Variants in RSPH1 observed in about 807,000 individuals in gnomAD.
RSPH1 encodes the protein radial spoke head 1 homolog.
Under a neutral mutation model 44.2 loss-of-function variants are expected in RSPH1, and 32 were observed. The observed-to-expected ratio is 0.72, with a 90% CI of 0.55 to 0.97. RSPH1 has a LOEUF of 0.97. RSPH1 is among the 50% of genes least tolerant of loss of function. The pLI, the probability that RSPH1 is intolerant of heterozygous loss-of-function variation, is 0.00. For missense variants in RSPH1, 391 were observed against 398.7 expected (o/e 0.98, Z 0.16); for synonymous variants, 134 against 147.3 (o/e 0.91, Z 0.65).
At chr21:42,494,038 C>T (rs1376460384) in intron 1 of RSPH1, among the ~76,000 whole-genome samples, 1 of 152,220 alleles carries the variant, frequency 6.6e-6, no homozygotes. Flanking sequence ...AGCCACCATG[C>T]CTGCTCAATT....
In RSPH1 at chr21:42,495,990, C is replaced by T. The variant is rs1601640207; in HGVS notation, c.54+143G>A. 10 of 818,744 alleles carry T rather than the reference C, an allele frequency of 1.2e-5. 1 individual carries two copies. The South Asian group carries it at 1.5e-4, about 12-fold the overall frequency. 50.7% of individuals were successfully genotyped at this position (818,744 alleles called of 1,614,324 possible). A position where few individuals can be genotyped will look rare whatever the true frequency, so the allele number is the denominator to read the frequency against. ...CCAGGACGCACGCAGGTGTGTCTGGCGTGGCCTTCGTCCCTGCCGGGGATC... is the reference window on the plus strand; with the variant it reads ...CCAGGACGCACGCAGGTGTGTCTGGTGTGGCCTTCGTCCCTGCCGGGGATC... On this transcript the variant is annotated intron_variant, in intron 1 of 8. Coordinates refer to ENST00000291536, the MANE Select transcript of RSPH1 (RefSeq NM_080860.4).
At chr21:42,478,653 G>C (rs2054095728) in intron 6 of RSPH1, among the ~76,000 whole-genome samples, 2 of 152,204 alleles carry the variant, frequency 1.3e-5, no homozygotes, top group African/African-American at 4.8e-5. Context: ...TCTTCAAAAA[G>C]CGAAACAGCA....
At chr21:42,480,171 G>A (rs1410038064) in intron 6 of RSPH1, among the ~76,000 whole-genome samples, 1 of 152,212 alleles carries the variant, frequency 6.6e-6, no homozygotes, top group Non-Finnish European at 1.5e-5. Context: ...CAGGAAAAGA[G>A]GGTGGCTGAG....
chr21:42,480,379 C>T lies in RSPH1; in HGVS notation c.573+2258G>A, dbSNP rs557431266. Among the ~76,000 whole-genome samples, 17 of 152,218 alleles carry T rather than the reference C, an allele frequency of 1.1e-4. No individual in the cohort carries two copies. The South Asian group carries it at 3.3e-3, about 30-fold the overall frequency. ...CTGGAGGGCTGGGCGCAGTGGCTTACGCCTATAGTCCCACCACTTTGGGAG... is the reference window on the plus strand; with the variant it reads ...CTGGAGGGCTGGGCGCAGTGGCTTATGCCTATAGTCCCACCACTTTGGGAG... On this transcript the variant is annotated intron_variant, in intron 6 of 8. Coordinates refer to ENST00000291536, the MANE Select transcript of RSPH1 (RefSeq NM_080860.4).
chr21:42,475,567 CAAA>C (rs549479473), intron 8 of RSPH1, among the ~76,000 whole-genome samples: 3 of 112,134 alleles, frequency 2.7e-5, no homozygotes, highest in Admixed American at 9.6e-5. Flanking sequence ...GACTCCATCT[CAAA>C]AAAAAAAAAA....
At chr21:42,477,048 C>CTA (rs2054064628) in intron 7 of RSPH1, among the ~76,000 whole-genome samples, 1 of 119,708 alleles carries the variant, frequency 8.4e-6, no homozygotes, top group Admixed American at 8.5e-5. Context: ...CGGGGGTGCC[C>CTA]CACACCCTCT....
At chr21:42,478,362 G>A (rs970748042) in intron 6 of RSPH1, among the ~76,000 whole-genome samples, 3 of 152,218 alleles carry the variant, frequency 2.0e-5, no homozygotes, top group Non-Finnish European at 4.4e-5. Flanking sequence ...CATGAAGGGT[G>A]ACACCAATGC....
At chr21:42,481,393 T>A (rs1441947870) in intron 6 of RSPH1, among the ~76,000 whole-genome samples, 1 of 152,144 alleles carries the variant, frequency 6.6e-6, no homozygotes, top group Non-Finnish European at 1.5e-5. Flanking sequence ...CTCTTCTTTA[T>A]AATCTACCCA....
rs1362307113 is a variant in RSPH1 at position 42,476,981 on chromosome 21, CCCCACACCCTCTGTCCCACAGCCCG to C, written c.727+285_727+309del. Among the ~76,000 whole-genome samples the C allele has an allele frequency of 2.9e-3, 176 of 61,194 alleles. 2 individuals carry two copies. Among genetic ancestry groups the C allele is most frequent in the African/African-American group, 8.4e-3 (147 of 17,434 alleles). 40.1% of individuals were successfully genotyped at this position (61,194 alleles called of 152,430 possible). A position where few individuals can be genotyped will look rare whatever the true frequency, so the allele number is the denominator to read the frequency against. ...CCCTCCATCCCACAGCCTGGGGATG[CCCCACACCCTCTGTCCCACAGCCCG>C]GGGGATGCCCCACACCCTCTGTCCC... On this transcript the variant is annotated intron_variant, in intron 7 of 8. Coordinates refer to ENST00000291536, the MANE Select transcript of RSPH1 (RefSeq NM_080860.4).
At chr21:42,473,289 G>A (rs562700839) in intron 8 of RSPH1, among the ~76,000 whole-genome samples, 19 of 152,236 alleles carry the variant, frequency 1.2e-4, no homozygotes, top group Non-Finnish European at 2.5e-4. Context: ...TCAGGAGTTC[G>A]AGACCAGCCC....
chr21:42,493,935 A>G (rs2054261591), intron 1 of RSPH1, among the ~76,000 whole-genome samples: 1 of 152,174 alleles, frequency 6.6e-6, no homozygotes, highest in African/African-American at 2.4e-5. Flanking sequence ...ATTTTTTTGT[A>G]GAGACAAGGT....
chr21:42,484,154 A>T (rs1252314748), intron 5 of RSPH1, among the ~76,000 whole-genome samples: 1 of 152,248 alleles, frequency 6.6e-6, no homozygotes, highest in East Asian at 1.9e-4. Context: ...GTAATCAGGG[A>T]AGTACACATT....
chr21:42,480,191 G>A (rs962625110), intron 6 of RSPH1, among the ~76,000 whole-genome samples: 75 of 152,306 alleles, frequency 4.9e-4, no homozygotes, highest in Non-Finnish European at 9.9e-4. Context: ...GGTCAGGGCC[G>A]AGAGCCCCGG....
At chr21:42,492,735 T>G in intron 3 of RSPH1, 23 bp downstream of exon 3, 1 of 1,393,454 alleles carries the variant, frequency 7.2e-7, no homozygotes, top group Non-Finnish European at 1.0e-6. Flanking sequence ...AACACGAAAA[T>G]CTGCTTAGTG....
chr21:42,482,983 G>C (rs2054144180), intron 5 of RSPH1, among the ~76,000 whole-genome samples: 1 of 152,158 alleles, frequency 6.6e-6, no homozygotes, highest in South Asian at 2.1e-4. Flanking sequence ...AGGCAAACTA[G>C]CTACCGATGG....
At position 42,474,922 on chromosome 21, in the gene RSPH1, C is replaced by T. The variant is rs1344592295; in HGVS notation, c.877+976G>A. Among the ~76,000 whole-genome samples, 1 of 152,224 alleles carries T rather than the reference C, an allele frequency of 6.6e-6. No homozygotes were observed. The highest frequency in any genetic ancestry group is 2.4e-5 in the African/African-American group (1 of 41,444). ...TTTTCAAAGGAATGGGAAGTATATT[C>T]TTAATTTACAACAGAGACAAACTAA... On this transcript the variant is annotated intron_variant, in intron 8 of 8. Coordinates refer to ENST00000291536, the MANE Select transcript of RSPH1 (RefSeq NM_080860.4). This position sits in a 1 kb window ranked among gnomAD's most constrained non-coding sequence, Gnocchi z 5.2.
chr21:42,492,988 T>C lies in RSPH1; in HGVS notation c.146A>G (p.Glu49Gly). 1 of 1,614,206 alleles carries C rather than the reference T, an allele frequency of 6.2e-7. No individual in the cohort carries two copies. The highest frequency in any genetic ancestry group is 8.5e-7 in the Non-Finnish European group (1 of 1,180,038). Residue 49 changes from glutamate (E) to glycine (G), a missense_variant, in exon 2 of 9, where the codon GAA (glutamate) becomes GGA (glycine). Glu to Gly is a moderately conservative substitution (Grantham distance 98). Transcript: ENST00000291536. ...GACCTGGCCATGTCTTTTACCGAAT[T>C]CGTAGCTCCCTTCGTAGGTGTCCCC... ...PNGDTYEGSY[E>G]FGKRHGQGIY...
chr21:42,496,062 T>C (rs1601640279), intron 1 of RSPH1, 71 bp downstream of exon 1: 1 of 1,585,506 alleles, frequency 6.3e-7, no homozygotes, highest in Non-Finnish European at 8.7e-7. Flanking sequence ...CTCCTCACTC[T>C]CCAAACCCAA....
Position 42,475,987 on chromosome 21 carries a change from T to C in RSPH1, c.788A>G (p.Asp263Gly), listed in dbSNP as rs2054043796. 6.2e-7 allele frequency: 1 copy of C among 1,613,310 alleles called. No homozygotes were observed. Among genetic ancestry groups the C allele is most frequent in the African/African-American group, 1.3e-5 (1 of 74,796 alleles). ...TGCATCTTCATCTCCAGGCCTCATG[T>C]CCATCTCACCCTCGAAGCCCTCCAG... ...ALLEGFEGEM[D>G]MRPGDEDADV... is the part of the protein sequence containing the mutation. Residue 263 changes from aspartate to glycine, a missense_variant, in exon 8 of 9, where the codon GAC (aspartate) becomes GGC (glycine). Coordinates refer to ENST00000291536, the MANE Select transcript of RSPH1 (RefSeq NM_080860.4).
Sources: allele counts gnomAD v4.1 joint callset (sites outside exome capture counted in the v4.1 genomes callset), GRCh38; gene constraint gnomAD v4.1.1; non-coding constraint Gnocchi (gnomAD v3.1); transcripts MANE v1.5; gene names NCBI Gene and HGNC (gene_info 2026-07-23, HGNC 2026-07-21).